The following CFAP96 variants were observed in gnomAD, a reference collection of about 807,000 sequenced individuals.
The protein encoded by CFAP96 is cilia and flagella associated protein 96.
the CFAP96 span, among the ~76,000 whole-genome samples, chr4:185,429,909 G>C: frequency 6.6e-6 from 1 of 152,132 alleles, no homozygotes; most frequent in Non-Finnish European, 1.5e-5. Flanking sequence ...GACCTCAAGA[G>C]ACCCTCCCCA....
At chr4:185,415,389 T>C in the CFAP96 span, 6 of 1,470,050 alleles carry the variant, frequency 4.1e-6, no homozygotes, top group Non-Finnish European at 4.5e-6. Flanking sequence ...AAAGTTATAG[T>C]GACTACAATA....
the CFAP96 span, among the ~76,000 whole-genome samples, chr4:185,425,649 A>C: frequency 6.6e-6 from 1 of 152,242 alleles, no homozygotes; most frequent in African/African-American, 2.4e-5. Flanking sequence ...TGCGTGTCCA[A>C]GGTGGCCGAG....
the CFAP96 span, chr4:185,436,417 A>G: frequency 1.2e-5 from 16 of 1,296,990 alleles, no homozygotes; most frequent in Admixed American, 1.0e-4. Flanking sequence ...CTCGATATTA[A>G]TAATTCACTT....
the CFAP96 span, among the ~76,000 whole-genome samples, chr4:185,409,978 G>A: frequency 8.5e-5 from 13 of 152,116 alleles, no homozygotes; most frequent in African/African-American, 3.1e-4. Context: ...TCAGCCCAGT[G>A]ATACTACTTT....
the CFAP96 span, chr4:185,425,928 C>G: frequency 3.8e-6 from 6 of 1,562,050 alleles, no homozygotes; most frequent in South Asian, 5.9e-5. Flanking sequence ...GGGGGCCGGC[C>G]CTGAAGTGGT....
At chr4:185,441,825 C>G in the CFAP96 span, among the ~76,000 whole-genome samples, 1 of 151,664 alleles carries the variant, frequency 6.6e-6, no homozygotes, top group Non-Finnish European at 1.5e-5. Context: ...TGAAATGTTC[C>G]GTATCTTAAT....
At chr4:185,444,910 T>C in the CFAP96 span, 23 of 1,496,288 alleles carry the variant, frequency 1.5e-5, no homozygotes, top group South Asian at 2.4e-4. Flanking sequence ...CACAAGCTAA[T>C]TTTGTAGAGG....
chr4:185,433,630 G>A, the CFAP96 span, among the ~76,000 whole-genome samples: 5 of 152,212 alleles, frequency 3.3e-5, no homozygotes, highest in East Asian at 1.9e-4. Flanking sequence ...GGCCGGGCAC[G>A]GTGGCTCACA....
At chr4:185,413,804 A>AAC in the CFAP96 span, 1 of 1,613,366 alleles carries the variant, frequency 6.2e-7, no homozygotes, top group Non-Finnish European at 8.5e-7. Flanking sequence ...GCTCATCTGG[A>AAC]AAGTGATAAG....
chr4:185,431,976 TTAAAG>T, the CFAP96 span: 5 of 1,547,136 alleles, frequency 3.2e-6, no homozygotes, highest in Non-Finnish European at 3.5e-6. Context: ...TAATTTATCT[TTAAAG>T]GACCCTTTAA....
At chr4:185,449,748 G>C in the CFAP96 span, 1 of 699,354 alleles carries the variant, frequency 1.4e-6, no homozygotes. Flanking sequence ...GATAGCTCAA[G>C]CAGTTAAAAG....
the CFAP96 span, among the ~76,000 whole-genome samples, chr4:185,447,961 A>G: frequency 6.6e-6 from 1 of 152,154 alleles, no homozygotes; most frequent in Non-Finnish European, 1.5e-5. Context: ...TTCCAAGCCT[A>G]CTATGTCTTG....
chr4:185,434,183 C>T, the CFAP96 span, among the ~76,000 whole-genome samples: 2 of 152,044 alleles, frequency 1.3e-5, no homozygotes, highest in African/African-American at 4.8e-5. Context: ...TGCACCACTG[C>T]ACTGCACTGC....
chr4:185,448,604 A>G, the CFAP96 span, among the ~76,000 whole-genome samples: 2 of 152,182 alleles, frequency 1.3e-5, no homozygotes, highest in African/African-American at 4.8e-5. Flanking sequence ...CAGGAATACT[A>G]TTCTCTGTGG....
chr4:185,419,516 A>G, the CFAP96 span, among the ~76,000 whole-genome samples: 9 of 152,246 alleles, frequency 5.9e-5, no homozygotes, highest in African/African-American at 2.2e-4. Context: ...ATCCCATTCA[A>G]TCCACTTACT....
chr4:185,413,282 G>A, the CFAP96 span, among the ~76,000 whole-genome samples: 1 of 152,182 alleles, frequency 6.6e-6, no homozygotes, highest in Non-Finnish European at 1.5e-5. Flanking sequence ...CAGCTGCTCA[G>A]GAGACTGAGG....
At chr4:185,435,989 C>CTT in the CFAP96 span, 1 of 1,337,492 alleles carries the variant, frequency 7.5e-7, no homozygotes. Flanking sequence ...ATAAAATAGA[C>CTT]TTAAACTTTG....
chr4:185,443,601 G>A, the CFAP96 span, among the ~76,000 whole-genome samples: 131,089 of 150,678 alleles, frequency 0.87, 57,478 homozygotes, highest in East Asian at 0.99. Context: ...CACCTGATTC[G>A]GCCTCCCAAA....
chr4:185,445,655 C>T, the CFAP96 span: 597,292 of 665,838 alleles, frequency 0.9, 269,650 homozygotes, highest in East Asian at 0.98. Flanking sequence ...CCAGGTTTTG[C>T]ATACTCTCAA....
Sources: allele counts gnomAD v4.1 joint callset (sites outside exome capture counted in the v4.1 genomes callset), GRCh38; gene constraint gnomAD v4.1.1; transcripts MANE v1.5; gene names NCBI Gene and HGNC (gene_info 2026-07-23, HGNC 2026-07-21).